SLC13A3: variants seen among roughly 807,000 people sequenced by gnomAD.
SLC13A3 encodes solute carrier family 13 member 3, also known as Na(+)/dicarboxylate cotransporter 3.
SLC13A3 carries 40 observed loss-of-function variants against 59.0 expected under a neutral mutation model. The observed-to-expected ratio is 0.68, with a 90% CI of 0.53 to 0.88. The LOEUF is 0.88. Ranked by LOEUF, SLC13A3 falls within the 40% of genes least tolerant of loss-of-function variation. The pLI is 0.00. For synonymous variants in SLC13A3, 317 were observed against 330.3 expected (o/e 0.96, Z 0.44); for missense variants, 699 against 783.2 (o/e 0.89, Z 1.28).
chr20:46,561,700 T>C (rs2061932909), intron 12 of SLC13A3, among the ~76,000 whole-genome samples: 1 of 151,882 alleles, frequency 6.6e-6, no homozygotes, highest in Admixed American at 6.6e-5. Flanking sequence ...GTAAAGGTGT[T>C]AAATAAATAT....
chr20:46,613,844 G>T, intron 1 of SLC13A3, 119 bp from the exon 2 acceptor site: 1 of 885,734 alleles, frequency 1.1e-6, no homozygotes, highest in Non-Finnish European at 1.7e-6. Flanking sequence ...GGGGAAGGAG[G>T]CCTGCGGCAG....
At chr20:46,652,573 T>A (rs1238338033), upstream of SLC13A3, among the ~76,000 whole-genome samples, 1 of 150,914 alleles carries the variant, frequency 6.6e-6, no homozygotes, top group African/African-American at 2.5e-5. Context: ...TTTTTGTATT[T>A]TTAGTAGAGA....
rs779767830 is a variant in SLC13A3 at position 46,563,510 on chromosome 20, C to T, written c.1536G>A (p.Pro512=). 1 of 1,613,980 alleles carries T rather than the reference C, an allele frequency of 6.2e-7. No individual in the cohort carries two copies. The highest frequency in any genetic ancestry group is 1.1e-5 in the South Asian group (1 of 91,030). ...AGGCAAAGGAGCAGCCGACTGTGCC[C>T]GGAATCATCAGATACAGGGGGTGCA... ...LRVHPLYLMI[P]GTVGCSFAFM... is the part of the protein sequence containing the mutation. The change falls in exon 12 of 13, where the codon CCG becomes CCA. Residue 512 remains proline (P), a synonymous_variant. Transcript: ENST00000279027.
chr20:46,666,755 C>T lies in SLC13A3; in HGVS notation c.-31+3288G>A, dbSNP rs149153771. On this transcript the variant is annotated intron_variant, in intron 1 of 12. Transcript: ENST00000290317. ...CTGGGCTCAAGCGACCCTCCTGCCT[C>T]GGCCTCTCAAAGCGTTGGGATTACA... Among the ~76,000 whole-genome samples the T allele has an allele frequency of 5.7e-3, 867 of 152,224 alleles. 4 individuals carry two copies. Among genetic ancestry groups the T allele is most frequent in the Non-Finnish European group, 9.5e-3 (648 of 67,994 alleles).
chr20:46,581,537 C>A (rs2062138075), intron 9 of SLC13A3, among the ~76,000 whole-genome samples: 1 of 152,122 alleles, frequency 6.6e-6, no homozygotes, highest in South Asian at 2.1e-4. Flanking sequence ...GGTGAGGAAG[C>A]AGAAGCCAGG....
chr20:46,683,302 G>A (rs1031003553), intron 1 of SLC13A3, among the ~76,000 whole-genome samples: 4 of 152,324 alleles, frequency 2.6e-5, no homozygotes, highest in South Asian at 2.1e-4. Context: ...AAGGAAGCTG[G>A]AAGCTTGCAC....
chr20:46,578,359 G>C (rs956647949), intron 9 of SLC13A3, among the ~76,000 whole-genome samples: 14 of 152,068 alleles, frequency 9.2e-5, no homozygotes, highest in Non-Finnish European at 1.6e-4. Flanking sequence ...TTATATTCCA[G>C]GGGGGAAGTC....
chr20:46,645,934 A>T (rs2122869751), intron 1 of SLC13A3, among the ~76,000 whole-genome samples: 1 of 152,326 alleles, frequency 6.6e-6, no homozygotes, highest in South Asian at 2.1e-4. Flanking sequence ...AATAACAGGA[A>T]TGTAATTAAG....
chr20:46,600,322 GGAAA>G (rs1330097564), intron 3 of SLC13A3, among the ~76,000 whole-genome samples: 4 of 112,814 alleles, frequency 3.5e-5, no homozygotes, highest in African/African-American at 1.3e-4. Context: ...AGGGAAGGAA[GGAAA>G]GGAAGGAAGG....
intron 1 of SLC13A3, among the ~76,000 whole-genome samples, chr20:46,617,506 C>A (rs559727469): frequency 7.6e-4 from 116 of 152,280 alleles, no homozygotes; most frequent in African/African-American, 2.7e-3. Flanking sequence ...CCCAAATCAC[C>A]TTCCCAGGCT....
chr20:46,681,016 T>C (rs1850903373), intron 1 of SLC13A3, among the ~76,000 whole-genome samples: 1 of 152,166 alleles, frequency 6.6e-6, no homozygotes, highest in Non-Finnish European at 1.5e-5. Context: ...CCAGCACATT[T>C]GTGAATAGAG....
At chr20:46,608,673 T>C in intron 3 of SLC13A3, 1 of 520,154 alleles carries the variant, frequency 1.9e-6, no homozygotes. Context: ...CATGTGACTG[T>C]CAGTGAGATT....
chr20:46,654,670 C>T (rs2062972031), upstream of SLC13A3, among the ~76,000 whole-genome samples: 1 of 152,168 alleles, frequency 6.6e-6, no homozygotes, highest in South Asian at 2.1e-4. Context: ...GCTGGGATTA[C>T]AGGCACCCAC....
chr20:46,678,871 T>G (rs2063140148), intron 1 of SLC13A3, among the ~76,000 whole-genome samples: 1 of 152,118 alleles, frequency 6.6e-6, no homozygotes, highest in African/African-American at 2.4e-5. Flanking sequence ...CTTGGTGCCC[T>G]CTCTGTGGTA....
intron 9 of SLC13A3, chr20:46,582,980 C>T (rs1245242720): frequency 1.1e-5 from 11 of 985,364 alleles, no homozygotes; most frequent in Non-Finnish European, 1.3e-5. Flanking sequence ...AGTTTTTCCT[C>T]AGTCCCCAAC....
chr20:46,572,531 T>C (rs2062038576), intron 10 of SLC13A3, among the ~76,000 whole-genome samples: 1 of 152,092 alleles, frequency 6.6e-6, no homozygotes, highest in East Asian at 1.9e-4. Flanking sequence ...CAGGGTCATC[T>C]CATCCAGCCT....
chr20:46,575,513 G>T, intron 10 of SLC13A3, 60 bp downstream of exon 10: 2 of 1,012,094 alleles, frequency 2.0e-6, no homozygotes, highest in Non-Finnish European at 2.9e-6. Flanking sequence ...GCCAGCACTG[G>T]GACCCGCCCA....
At chr20:46,569,555 G>A (rs1041897752) in intron 10 of SLC13A3, among the ~76,000 whole-genome samples, 1 of 152,236 alleles carries the variant, frequency 6.6e-6, no homozygotes, top group Non-Finnish European at 1.5e-5. Context: ...GATAGTGCCT[G>A]TCCCAGAAGG....
chr20:46,683,567 C>T (rs2063163961), intron 1 of SLC13A3, among the ~76,000 whole-genome samples: 1 of 152,188 alleles, frequency 6.6e-6, no homozygotes, highest in African/African-American at 2.4e-5. Flanking sequence ...GACAGCACCT[C>T]CTCACCAGCT....
Sources: gnomAD v4.1 joint callset for allele counts (sites outside exome capture counted in the v4.1 genomes callset) on GRCh38, gnomAD v4.1.1 for gene constraint, MANE v1.5 for transcripts, NCBI Gene and HGNC (gene_info 2026-07-23, HGNC 2026-07-21) for gene names.